The following TOGARAM1 variants were observed in gnomAD, a reference collection of about 807,000 sequenced individuals.
The protein encoded by TOGARAM1 is TOG array regulator of axonemal microtubules protein 1.
A neutral mutation model predicts 166.6 loss-of-function variants in TOGARAM1; 100 were observed. The ratio of observed to expected loss-of-function variants is 0.60; its 90% confidence interval spans 0.51 to 0.71. TOGARAM1 has a LOEUF of 0.71. Among genes scored for constraint, TOGARAM1 ranks in the 30% least tolerant of loss-of-function variants. The pLI is 0.00. For missense variants in TOGARAM1, 2,029 were observed against 2,102.7 expected (o/e 0.96, Z 0.69); for synonymous variants, 758 against 763.8 (o/e 0.99, Z 0.13).
At chr14:44,974,551 G>C (rs928880087) in intron 1 of TOGARAM1, among the ~76,000 whole-genome samples, 2 of 151,940 alleles carry the variant, frequency 1.3e-5, no homozygotes, top group African/African-American at 4.8e-5. Context: ...CTTTTACTGT[G>C]CCTTATTATT....
intron 11 of TOGARAM1, among the ~76,000 whole-genome samples, chr14:45,034,166 GAAAC>G (rs1217101401): frequency 1.3e-5 from 2 of 151,990 alleles, no homozygotes; most frequent in Non-Finnish European, 2.9e-5. Flanking sequence ...CAAAAACAAA[GAAAC>G]AACAACAAAA....
chr14:45,028,810 G>A (rs1881008211), intron 10 of TOGARAM1, among the ~76,000 whole-genome samples: 1 of 151,962 alleles, frequency 6.6e-6, no homozygotes, highest in African/African-American at 2.4e-5. Flanking sequence ...AAAAATCAGA[G>A]GTTGAAATGA....
At chr14:45,065,091 T>C (rs921043054) in intron 16 of TOGARAM1, among the ~76,000 whole-genome samples, 1 of 152,092 alleles carries the variant, frequency 6.6e-6, no homozygotes, top group Non-Finnish European at 1.5e-5. Context: ...TTGAGCTTAC[T>C]TGCAGTGAGC....
At position 45,005,954 on chromosome 14, in the gene TOGARAM1, C is replaced by T. The variant is rs17092482; in HGVS notation, c.2645-54C>T. On this transcript the variant is annotated intron_variant, in intron 4 of 19. Transcript: ENST00000361462. Reference sequence around the variant, plus strand: ...ATTTTAAGCACTTGTGACTATAACTCCCTCTTCTCTAAAATTAGAAAAAGA... The same window carrying T: ...ATTTTAAGCACTTGTGACTATAACTTCCTCTTCTCTAAAATTAGAAAAAGA... 2.1e-6 allele frequency: 3 copies of T among 1,447,290 alleles called. No homozygotes were observed. In the South Asian group the frequency reaches 4.4e-5, roughly 21 times the overall value. 89.7% of individuals were successfully genotyped at this position (1,447,290 alleles called of 1,614,324 possible). A position where few individuals can be genotyped will look rare whatever the true frequency, so the allele number is the denominator to read the frequency against.
At chr14:44,980,998 A>G (rs1353468517) in intron 1 of TOGARAM1, among the ~76,000 whole-genome samples, 1 of 152,220 alleles carries the variant, frequency 6.6e-6, no homozygotes, top group Non-Finnish European at 1.5e-5. Flanking sequence ...GGATGGATGC[A>G]AGAGATATTT....
intron 11 of TOGARAM1, among the ~76,000 whole-genome samples, chr14:45,040,355 A>G (rs1345324526): frequency 6.6e-6 from 1 of 152,206 alleles, no homozygotes; most frequent in African/African-American, 2.4e-5. Flanking sequence ...GAAAAGAAGA[A>G]AAGTTCTATA....
At chr14:45,050,086 AACAT>A (rs1251993191) in intron 14 of TOGARAM1, among the ~76,000 whole-genome samples, 1 of 139,720 alleles carries the variant, frequency 7.2e-6, no homozygotes, top group Admixed American at 7.1e-5. Flanking sequence ...TAGAGTCCTT[AACAT>A]TCCAGGCTAA....
chr14:45,059,396 C>G (rs1241349291), intron 16 of TOGARAM1, among the ~76,000 whole-genome samples: 2 of 152,188 alleles, frequency 1.3e-5, no homozygotes, highest in East Asian at 3.8e-4. Context: ...ACCTGTAATC[C>G]TAGCACTTTG....
At chr14:45,007,800 A>G (rs1281667290) in intron 5 of TOGARAM1, 1 of 152,152 alleles carries the variant, frequency 6.6e-6, no homozygotes, top group Admixed American at 6.5e-5. Context: ...TCATTAGTTC[A>G]TTTAATCTTT....
At chr14:44,981,346 C>A (rs1886521572) in intron 1 of TOGARAM1, among the ~76,000 whole-genome samples, 2 of 152,020 alleles carry the variant, frequency 1.3e-5, no homozygotes. Flanking sequence ...TTATATAAAC[C>A]CATTTAGAGA....
chr14:44,984,489 T>C (rs937850583), intron 1 of TOGARAM1, among the ~76,000 whole-genome samples: 1 of 151,916 alleles, frequency 6.6e-6, no homozygotes, highest in Non-Finnish European at 1.5e-5. Flanking sequence ...TGTTATCATC[T>C]TAAAAAAGCT....
At chr14:44,996,016 G>A in intron 2 of TOGARAM1, 114 bp downstream of exon 2, 8 of 715,312 alleles carry the variant, frequency 1.1e-5, no homozygotes, top group Non-Finnish European at 1.7e-5. Flanking sequence ...GATTCAATAA[G>A]TTATTTATTG....
intron 1 of TOGARAM1, among the ~76,000 whole-genome samples, chr14:44,985,385 A>T (rs1366264067): frequency 6.6e-6 from 1 of 152,140 alleles, no homozygotes; most frequent in Non-Finnish European, 1.5e-5. Flanking sequence ...GTATCCTTTA[A>T]CTCAGCAGTC....
At position 45,073,679 on chromosome 14, in the gene TOGARAM1, AT is replaced by A; in HGVS notation, c.*123del. 1.1e-6 allele frequency: 1 copy of A among 943,022 alleles called. No homozygotes were observed. The highest frequency in any genetic ancestry group is 1.6e-6 in the Non-Finnish European group (1 of 644,720). 58.4% of individuals were successfully genotyped at this position (943,022 alleles called of 1,614,324 possible). On this transcript the variant is annotated 3_prime_UTR_variant, in exon 20 of 20. Transcript: ENST00000361462. ...CATCCAGCAAATTAAGTCAATGGCT[AT>A]TTTTATTTGCAGCCTATGAGTACAC... is the stretch of plus-strand genomic sequence containing the variant.
chr14:45,038,412 G>A (rs60891427), intron 11 of TOGARAM1, among the ~76,000 whole-genome samples: 24,406 of 152,226 alleles, frequency 0.16, 3,663 homozygotes, highest in African/African-American at 0.4. Flanking sequence ...GGCACAGAGC[G>A]GCGAGGGGTG....
chr14:45,009,657 G>A (rs1879678377), intron 6 of TOGARAM1, among the ~76,000 whole-genome samples: 1 of 152,162 alleles, frequency 6.6e-6, no homozygotes, highest in Non-Finnish European at 1.5e-5. Flanking sequence ...TACAGCAGTA[G>A]TGCTGGACTT....
At chr14:44,981,198 A>G (rs1886512201) in intron 1 of TOGARAM1, among the ~76,000 whole-genome samples, 3 of 152,230 alleles carry the variant, frequency 2.0e-5, no homozygotes, top group Admixed American at 2.0e-4. Flanking sequence ...GAAGACTGTT[A>G]TTTAAGAGAC....
chr14:45,046,585 T>C lies in TOGARAM1; in HGVS notation c.4195T>C (p.Leu1399=). The C allele has an allele frequency of 7.2e-7, 1 of 1,393,014 alleles. No homozygotes were observed. Among genetic ancestry groups the C allele is most frequent in the Middle Eastern group, 1.9e-4 (1 of 5,326 alleles). The allele number at this position is 1,393,014 out of a possible 1,614,324, so 86.3% of individuals were successfully genotyped here. Reference sequence around the variant, plus strand: ...TGTAAGAAGGTGTACAGCCCAGCATTTATCAGATGTATTGGAATTTATGGA... The same window carrying C: ...TGTAAGAAGGTGTACAGCCCAGCATCTATCAGATGTATTGGAATTTATGGA... ...IAVRRCTAQH[L]SDVLEFMEPE... is the part of the protein sequence containing the mutation. Residue 1399 remains leucine, a synonymous_variant, in exon 14 of 20, where the codon TTA becomes CTA. Coordinates refer to ENST00000361462, the MANE Select transcript of TOGARAM1 (RefSeq NM_001308120.2).
intron 1 of TOGARAM1, among the ~76,000 whole-genome samples, chr14:44,968,452 G>A (rs900590102): frequency 2.6e-5 from 4 of 152,162 alleles, no homozygotes; most frequent in African/African-American, 9.7e-5. Context: ...GTTTCACCGT[G>A]TTAGCCAGGA....
Sources: gnomAD v4.1 joint callset for allele counts (sites outside exome capture counted in the v4.1 genomes callset) on GRCh38, gnomAD v4.1.1 for gene constraint, MANE v1.5 for transcripts, NCBI Gene and HGNC (gene_info 2026-07-23, HGNC 2026-07-21) for gene names.